PBRM1: variants seen among roughly 807,000 people sequenced by gnomAD.
The protein encoded by PBRM1 is polybromo 1, also known as protein polybromo-1.
A neutral mutation model predicts 194.5 loss-of-function variants in PBRM1; 27 were observed. The ratio of observed to expected loss-of-function variants is 0.14; its 90% CI spans 0.10 to 0.19. PBRM1 has a LOEUF of 0.19. Among genes scored for constraint, PBRM1 ranks in the 10% least tolerant of loss-of-function variants. The pLI is 1.00. For missense variants in PBRM1, 1,466 were observed against 2,077.2 expected (o/e 0.71, Z 5.72); for synonymous variants, 655 against 693.2 (o/e 0.94, Z 0.87).
At position 52,599,861 on chromosome 3, in the gene PBRM1, T is replaced by A. The variant is rs534637716; in HGVS notation, c.2779+3660A>T. Among the ~76,000 whole-genome samples, 10 of 151,844 alleles carry A rather than the reference T, an allele frequency of 6.6e-5. No homozygotes were observed. The East Asian group carries it at 1.7e-3, about 26-fold the overall frequency. On this transcript the variant is annotated intron_variant, in intron 17 of 29. Transcript: ENST00000296302. ...AAAAAAAATTTTTTTTTACTGTCAATCTCACTTGCATATGAAAATATTTTT... is the reference window on the plus strand; with the variant it reads ...AAAAAAAATTTTTTTTTACTGTCAAACTCACTTGCATATGAAAATATTTTT...
chr3:52,596,483 A>AAAAAAAAAAAAAAAAAAAAAAAAAT (rs2093572448), intron 17 of PBRM1, among the ~76,000 whole-genome samples: 1 of 143,294 alleles, frequency 7.0e-6, no homozygotes, highest in African/African-American at 2.6e-5. Flanking sequence ...AAAAAAAAGA[A>AAAAAAAAAAAAAAAAAAAAAAAAAT]ATGTATCCTA....
intron 27 of PBRM1, among the ~76,000 whole-genome samples, chr3:52,552,469 T>G (rs1157882646): frequency 1.3e-5 from 2 of 152,162 alleles, no homozygotes; most frequent in African/African-American, 4.8e-5. Context: ...AAAATAGATA[T>G]GGGGTTTCAC....
intron 10 of PBRM1, among the ~76,000 whole-genome samples, chr3:52,640,679 T>C (rs1394195758): frequency 1.3e-5 from 2 of 152,300 alleles, no homozygotes; most frequent in Non-Finnish European, 2.9e-5. Flanking sequence ...TCTTGCTCTG[T>C]TGCCCAGGCT....
intron 13 of PBRM1, among the ~76,000 whole-genome samples, chr3:52,617,953 A>C (rs1042086515): frequency 5.9e-5 from 9 of 152,322 alleles, no homozygotes; most frequent in African/African-American, 2.2e-4. Context: ...AAGTACAAAA[A>C]CAAAACAAAA....
At chr3:52,621,156 T>G (rs2095258433) in intron 13 of PBRM1, among the ~76,000 whole-genome samples, 1 of 152,294 alleles carries the variant, frequency 6.6e-6, no homozygotes, top group African/African-American at 2.4e-5. Context: ...AACATAACCA[T>G]GACAGAGCCC....
At chr3:52,608,246 T>C (rs2094448098) in intron 16 of PBRM1, among the ~76,000 whole-genome samples, 1 of 152,240 alleles carries the variant, frequency 6.6e-6, no homozygotes, top group Non-Finnish European at 1.5e-5. Context: ...AGTAGCCCTC[T>C]GCAGTGGAGA....
chr3:52,555,705 C>T (rs1355741811), intron 26 of PBRM1, among the ~76,000 whole-genome samples: 2 of 152,126 alleles, frequency 1.3e-5, no homozygotes, highest in African/African-American at 4.8e-5. Context: ...TAACAGGGAG[C>T]ATTTTAATTT....
chr3:52,634,288 T>C (rs972814435), intron 11 of PBRM1, among the ~76,000 whole-genome samples: 2 of 151,698 alleles, frequency 1.3e-5, no homozygotes, highest in Non-Finnish European at 2.9e-5. Context: ...AATACAAAAA[T>C]TAACTGGGTG....
chr3:52,635,127 A>T (rs1053093070), intron 10 of PBRM1, among the ~76,000 whole-genome samples: 2 of 152,088 alleles, frequency 1.3e-5, no homozygotes, highest in African/African-American at 4.8e-5. Flanking sequence ...GGGTTTCGTC[A>T]TGTTGCCCAG....
At chr3:52,651,996 G>A (rs1004643206) in intron 5 of PBRM1, among the ~76,000 whole-genome samples, 186 bp from the exon 7 acceptor site, 5 of 152,152 alleles carry the variant, frequency 3.3e-5, no homozygotes, top group African/African-American at 1.2e-4. Context: ...ATCTTAAGAA[G>A]CTTCATGATC....
intron 22 of PBRM1, among the ~76,000 whole-genome samples, chr3:52,571,786 G>T (rs1352686635): frequency 6.7e-6 from 1 of 148,354 alleles, no homozygotes; most frequent in Non-Finnish European, 1.5e-5. Flanking sequence ...TTTCGGGGAG[G>T]CTGAGCAGGG....
intron 2 of PBRM1, 90 bp downstream of exon 3, chr3:52,678,410 G>T: frequency 1.3e-6 from 1 of 796,934 alleles, no homozygotes; most frequent in Non-Finnish European, 2.1e-6. Flanking sequence ...AGCCATTCCT[G>T]CCAACAAAAA....
At chr3:52,620,060 T>C (rs182616090) in intron 13 of PBRM1, among the ~76,000 whole-genome samples, 29 of 152,334 alleles carry the variant, frequency 1.9e-4, no homozygotes, top group Non-Finnish European at 7.3e-5. Flanking sequence ...GTTAGATATT[T>C]TACCTAGTGG....
At chr3:52,610,756 T>C (rs937574669) in intron 15 of PBRM1, among the ~76,000 whole-genome samples, 1 of 152,182 alleles carries the variant, frequency 6.6e-6, no homozygotes, top group African/African-American at 2.4e-5. Flanking sequence ...CTGGCCAACA[T>C]GGCGAAACCC....
intron 4 of PBRM1, among the ~76,000 whole-genome samples, chr3:52,661,569 G>A (rs1486553920): frequency 1.3e-5 from 2 of 152,124 alleles, no homozygotes; most frequent in African/African-American, 2.4e-5. Context: ...AGCAAACAAT[G>A]GAGATAGGGT....
chr3:52,547,933 G>A, downstream of PBRM1: 1 of 647,688 alleles, frequency 1.5e-6, no homozygotes, highest in Non-Finnish European at 2.6e-6. Flanking sequence ...TATAAAAATG[G>A]CCTTGTGATG....
chr3:52,633,861 T>G (rs1003157014), intron 11 of PBRM1, among the ~76,000 whole-genome samples: 10 of 152,118 alleles, frequency 6.6e-5, no homozygotes, highest in South Asian at 4.1e-4. Context: ...GGGTTTTTTT[T>G]TGTGGTTGAG....
intron 21 of PBRM1, among the ~76,000 whole-genome samples, chr3:52,578,524 A>C (rs754451178): frequency 8.5e-5 from 13 of 152,186 alleles, no homozygotes; most frequent in Non-Finnish European, 1.5e-4. Flanking sequence ...ACCCTATACC[A>C]GACTCTGCTG....
At chr3:52,614,908 C>G (rs1560388003) in intron 15 of PBRM1, among the ~76,000 whole-genome samples, 2 of 152,068 alleles carry the variant, frequency 1.3e-5, no homozygotes, top group Non-Finnish European at 2.9e-5. Context: ...CAACCACAGA[C>G]TACACTCAAA....
Sources: gnomAD v4.1 joint callset for allele counts (sites outside exome capture counted in the v4.1 genomes callset) on GRCh38, gnomAD v4.1.1 for gene constraint, MANE v1.5 for transcripts, NCBI Gene and HGNC (gene_info 2026-07-23, HGNC 2026-07-21) for gene names.